Variants in NCOR2 observed in about 807,000 individuals in gnomAD.
NCOR2 encodes nuclear receptor corepressor 2.
In NCOR2, 81 loss-of-function variants were observed where a neutral mutation model predicts 262.9. That is an observed-to-expected ratio of 0.31 (90% confidence interval 0.26 to 0.37). NCOR2 has a LOEUF of 0.37. Ranked by LOEUF, NCOR2 falls within the 10% of genes least tolerant of loss-of-function variation. The probability of loss-of-function intolerance (pLI) is 1.00; values close to 1 mark genes in which losing one functional copy is unlikely to be tolerated. For synonymous variants in NCOR2, 1,659 were observed against 1,559.3 expected (o/e 1.06, Z -1.51); for missense variants, 3,385 against 3,621.4 (o/e 0.93, Z 1.68).
In NCOR2 at chr12:124,357,995, GGT is replaced by G. The variant is rs764237314; in HGVS notation, c.3101-1215_3101-1214del. 1.3e-3 allele frequency among the ~76,000 whole-genome samples: 191 copies of G among 149,114 alleles called. 1 individual carries two copies. The highest frequency in any genetic ancestry group is 5.2e-3 in the East Asian group (26 of 4,990). ...CACAATGTTGAAGGAGGTAACCTGTGGTGTGTGTGTGTGCACACGTGCGTGCA... is the reference window on the plus strand; with the variant it reads ...CACAATGTTGAAGGAGGTAACCTGTGGTGTGTGTGTGCACACGTGCGTGCA... On this transcript the variant is annotated intron_variant, in intron 22 of 46. Coordinates refer to ENST00000405201, the Ensembl canonical transcript of NCOR2.
chr12:124,448,414 C>T (rs1237166512), intron 7 of NCOR2, among the ~76,000 whole-genome samples: 2 of 152,196 alleles, frequency 1.3e-5, no homozygotes, highest in Admixed American at 6.5e-5. Flanking sequence ...CCCGCCAGGC[C>T]GATGAGGAGC....
chr12:124,370,538 T>C (rs2039415397), intron 20 of NCOR2, among the ~76,000 whole-genome samples: 1 of 152,096 alleles, frequency 6.6e-6, no homozygotes, highest in African/African-American at 2.4e-5. Flanking sequence ...CAGACCACAC[T>C]GTAGTTGAAA....
At chr12:124,479,085 G>C (rs1483301865) in intron 3 of NCOR2, among the ~76,000 whole-genome samples, 3 of 152,080 alleles carry the variant, frequency 2.0e-5, no homozygotes, top group Non-Finnish European at 4.4e-5. Flanking sequence ...GGACGTGCTG[G>C]AGAGGCGGGC....
chr12:124,466,270 T>C (rs1161801886), exon 5 of NCOR2: 2 of 1,607,208 alleles, frequency 1.2e-6, no homozygotes, highest in Non-Finnish European at 1.7e-6. Flanking sequence ...CTTGGCAGCC[T>C]CCTCCTCCAG....
chr12:124,486,423 C>T lies in NCOR2; in HGVS notation c.233+18G>A. On this transcript the variant is annotated intron_variant, in intron 2 of 46. Coordinates refer to ENST00000405201, the Ensembl canonical transcript of NCOR2. Reference sequence around the variant, plus strand: ...AGCTCTCACGCCCTGGACAGGGAGGCAGCAACTCTCTCCTCACCGTTCATT... The same window carrying T: ...AGCTCTCACGCCCTGGACAGGGAGGTAGCAACTCTCTCCTCACCGTTCATT... 6.2e-7 allele frequency: 1 copy of T among 1,611,972 alleles called. No homozygotes were observed. Among genetic ancestry groups the T allele is most frequent in the Non-Finnish European group, 8.5e-7 (1 of 1,179,358 alleles).
chr12:124,451,121 C>A (rs2045500562), intron 6 of NCOR2, among the ~76,000 whole-genome samples: 1 of 152,272 alleles, frequency 6.6e-6, no homozygotes, highest in Non-Finnish European at 1.5e-5. Context: ...CGCATTTCTG[C>A]TGTTTCTGTC....
intron 1 of NCOR2, among the ~76,000 whole-genome samples, chr12:124,501,000 C>CGG (rs1186246851): frequency 6.6e-6 from 1 of 151,890 alleles, no homozygotes; most frequent in African/African-American, 2.4e-5. Context: ...GGGGGAGCCT[C>CGG]GGGATTAAAA....
chr12:124,519,781 G>A (rs1566020805), intron 1 of NCOR2, among the ~76,000 whole-genome samples: 1 of 152,178 alleles, frequency 6.6e-6, no homozygotes, highest in South Asian at 2.1e-4. Context: ...TGCTAAGCGG[G>A]TCCCCTGGTT....
At position 124,366,447 on chromosome 12, in the gene NCOR2, G is replaced by A. The variant is rs534791798; in HGVS notation, c.2808-2648C>T. Among the ~76,000 whole-genome samples the A allele has an allele frequency of 3.9e-5, 6 of 152,284 alleles. No individual in the cohort carries two copies. In the East Asian group the frequency reaches 1.2e-3, roughly 29 times the overall value. The stretch of plus-strand genomic sequence containing the variant: ...CAGGGCTGGGAGGAGGGAGGATAGG[G>A]GTGACTAGTGATGGGCATAGGGTTT... On this transcript the variant is annotated intron_variant, in intron 20 of 46. Transcript: ENST00000405201.
chr12:124,450,981 C>T (rs139301781), intron 6 of NCOR2, among the ~76,000 whole-genome samples: 111 of 152,360 alleles, frequency 7.3e-4, no homozygotes, highest in African/African-American at 2.5e-3. Flanking sequence ...GTCACATTGC[C>T]GCCATCAGGG....
chr12:124,438,116 T>A, intron 7 of NCOR2, 120 bp from the exon 10 acceptor site: 1 of 880,986 alleles, frequency 1.1e-6, no homozygotes, highest in African/African-American at 1.7e-5. Context: ...CTCAGGGAGA[T>A]GAGACCCACC....
chr12:124,373,784 G>T lies in NCOR2; in HGVS notation c.2218+629C>A, dbSNP rs1289671246. 7.6e-3 allele frequency among the ~76,000 whole-genome samples: 103 copies of T among 13,594 alleles called. 29 individuals are homozygous for T. Among genetic ancestry groups the T allele is most frequent in the Non-Finnish European group, 0.027 (67 of 2,500 alleles). 8.9% of individuals were successfully genotyped at this position (13,594 alleles called of 152,430 possible). On this transcript the variant is annotated intron_variant, in intron 19 of 46. Transcript: ENST00000405201. ...GGCCAGTGCGTGTGCAGGGGCCCTGGGCACGGTGGACAATCATGAGGCCAG... is the reference window on the plus strand; with the variant it reads ...GGCCAGTGCGTGTGCAGGGGCCCTGTGCACGGTGGACAATCATGAGGCCAG...
intron 19 of NCOR2, 71 bp downstream of exon 21, chr12:124,374,342 G>A (rs964710408): frequency 1.3e-6 from 2 of 1,494,844 alleles, no homozygotes; most frequent in Non-Finnish European, 1.9e-6. Context: ...GTTCCTTGTG[G>A]AGGACCGGGG....
In NCOR2 at chr12:124,407,162, G is replaced by A. The variant is rs3782263; in HGVS notation, c.1483-4601C>T. Among the ~76,000 whole-genome samples the A allele has an allele frequency of 4.0e-3, 609 of 152,240 alleles. 10 individuals carry two copies. In the East Asian group the frequency reaches 0.069, roughly 17 times the overall value. Reference sequence around the variant, plus strand: ...TGCCATTGCCTGATTCTTTCCTTCCGCCAGCATAACCTGAACCCCCAAGGG... The same window carrying A: ...TGCCATTGCCTGATTCTTTCCTTCCACCAGCATAACCTGAACCCCCAAGGG... On this transcript the variant is annotated intron_variant, in intron 13 of 46. Coordinates refer to ENST00000405201, the Ensembl canonical transcript of NCOR2.
At chr12:124,479,417 A>C (rs997479461) in intron 3 of NCOR2, among the ~76,000 whole-genome samples, 1 of 150,962 alleles carries the variant, frequency 6.6e-6, no homozygotes, top group Admixed American at 6.6e-5. Flanking sequence ...ACACACAGGT[A>C]CATGCACGCA....
chr12:124,455,338 G>C (rs1483184313), intron 6 of NCOR2, among the ~76,000 whole-genome samples: 1 of 152,216 alleles, frequency 6.6e-6, no homozygotes, highest in South Asian at 2.1e-4. Context: ...AGAGAAGCAC[G>C]ACCCTAGGCC....
chr12:124,476,726 C>T (rs190816918), intron 3 of NCOR2, among the ~76,000 whole-genome samples: 143 of 152,174 alleles, frequency 9.4e-4, no homozygotes, highest in African/African-American at 3.3e-3. Flanking sequence ...TCGGGTTTAG[C>T]TTTTATTCGC....
chr12:124,403,953 G>C (rs1158498164), intron 13 of NCOR2, among the ~76,000 whole-genome samples: 2 of 152,182 alleles, frequency 1.3e-5, no homozygotes, highest in African/African-American at 4.8e-5. Flanking sequence ...GCCAGGAAGG[G>C]GCAGAGTTGC....
At chr12:124,354,196 C>G (rs764847497) in exon 27 of NCOR2, 3 of 1,594,104 alleles carry the variant, frequency 1.9e-6, no homozygotes, top group Non-Finnish European at 2.6e-6. Context: ...CAGAGCTGTC[C>G]CTGGAAGACA....
Sources: allele counts gnomAD v4.1 joint callset (sites outside exome capture counted in the v4.1 genomes callset), GRCh38; gene constraint gnomAD v4.1.1; transcripts MANE v1.5; gene names NCBI Gene and HGNC (gene_info 2026-07-23, HGNC 2026-07-21).